The following SCFD2 variants were observed in gnomAD, a reference collection of about 807,000 sequenced individuals.
The protein encoded by SCFD2 is sec1 family domain containing 2, also known as sec1 family domain-containing protein 2.
A neutral mutation model predicts 58.9 loss-of-function variants in SCFD2; 54 were observed. The ratio of observed to expected loss-of-function variants is 0.92; its 90% CI spans 0.74 to 1.15. The LOEUF (loss-of-function observed/expected upper bound fraction) is 1.15, where lower values mean the gene tolerates loss of function less well. SCFD2 is among the 50% of genes most tolerant of loss of function. SCFD2 has a pLI of 0.00. For missense variants in SCFD2, 805 were observed against 836.6 expected (o/e 0.96, Z 0.47); for synonymous variants, 321 against 335.9 (o/e 0.96, Z 0.49).
intron 4 of SCFD2, among the ~76,000 whole-genome samples, chr4:53,206,206 A>G (rs2148973482): frequency 6.6e-6 from 1 of 152,300 alleles, no homozygotes; most frequent in African/African-American, 2.4e-5. Context: ...TCTGTAGGCA[A>G]CCAGTTACTG....
At chr4:53,303,317 A>G (rs1415233930) in intron 3 of SCFD2, among the ~76,000 whole-genome samples, 2 of 152,256 alleles carry the variant, frequency 1.3e-5, no homozygotes, top group Non-Finnish European at 2.9e-5. Context: ...TTCTCAAAAG[A>G]AGACATTTAT....
chr4:53,070,108 C>G (rs1442766985), intron 5 of SCFD2, among the ~76,000 whole-genome samples: 1 of 151,904 alleles, frequency 6.6e-6, no homozygotes, highest in Non-Finnish European at 1.5e-5. Context: ...AAGAAACCAA[C>G]CACTTATAGC....
chr4:52,882,593 G>A (rs959536909), intron 8 of SCFD2, among the ~76,000 whole-genome samples: 5 of 152,146 alleles, frequency 3.3e-5, no homozygotes, highest in Non-Finnish European at 7.4e-5. Flanking sequence ...CAGAATAAAC[G>A]CAGGCAGAAG....
chr4:52,995,562 G>A (rs1721725983), intron 5 of SCFD2, among the ~76,000 whole-genome samples: 1 of 152,162 alleles, frequency 6.6e-6, no homozygotes, highest in Admixed American at 6.5e-5. Flanking sequence ...CATCATGCCT[G>A]GTCTGGGTAA....
intron 5 of SCFD2, among the ~76,000 whole-genome samples, chr4:52,921,907 A>G (rs1719745619): frequency 6.6e-6 from 1 of 152,156 alleles, no homozygotes; most frequent in Admixed American, 6.5e-5. Flanking sequence ...CAACACTCAT[A>G]GAAATAATCC....
At chr4:52,886,881 T>A (rs1337472564) in intron 7 of SCFD2, among the ~76,000 whole-genome samples, 1 of 152,236 alleles carries the variant, frequency 6.6e-6, no homozygotes, top group African/African-American at 2.4e-5. Context: ...GACAACTTCT[T>A]TCTTCCTTGT....
In SCFD2 at chr4:53,276,930, C is replaced by T. The variant is rs187497093; in HGVS notation, c.1136-2929G>A. Among the ~76,000 whole-genome samples, 8 of 152,260 alleles carry T rather than the reference C, an allele frequency of 5.3e-5. No homozygotes were observed. The East Asian group carries it at 1.4e-3, about 26-fold the overall frequency. On this transcript the variant is annotated intron_variant, in intron 3 of 8. Coordinates refer to ENST00000401642, the MANE Select transcript of SCFD2 (RefSeq NM_152540.4). ...TTTTCCTAATGACTAATGATGTTAA[C>T]CACCTTTTCATGTGTGTCTTTTGCC...
intron 5 of SCFD2, among the ~76,000 whole-genome samples, chr4:53,070,702 A>G (rs1329190519): frequency 3.3e-5 from 5 of 152,116 alleles, no homozygotes; most frequent in African/African-American, 1.2e-4. Context: ...TTCACAGCAC[A>G]GGTAGAAGAT....
At chr4:53,093,873 G>A (rs1434110462) in intron 5 of SCFD2, among the ~76,000 whole-genome samples, 3 of 152,060 alleles carry the variant, frequency 2.0e-5, no homozygotes, top group African/African-American at 7.2e-5. Context: ...GGGATGGGTG[G>A]GGGCCAGGAT....
intron 5 of SCFD2, among the ~76,000 whole-genome samples, chr4:53,080,555 C>T (rs551608667): frequency 3.3e-5 from 5 of 152,176 alleles, no homozygotes; most frequent in African/African-American, 1.2e-4. Flanking sequence ...TAAAACGACC[C>T]AGGGTGACAG....
At chr4:53,048,599 T>C (rs766668206) in intron 5 of SCFD2, among the ~76,000 whole-genome samples, 8 of 152,060 alleles carry the variant, frequency 5.3e-5, no homozygotes, top group Non-Finnish European at 7.4e-5. Context: ...AAATTAGCCA[T>C]GGGTGGTGGT....
rs560269938 is a variant in SCFD2, at chr4:52,963,629, C to T, written c.1562-42759G>A. Among the ~76,000 whole-genome samples the T allele has an allele frequency of 2.0e-5, 3 of 152,286 alleles. No individual in the cohort carries two copies. The South Asian group carries it at 6.2e-4, about 32-fold the overall frequency. On this transcript the variant is annotated intron_variant, in intron 5 of 8. Transcript: ENST00000401642. ...CACTCAACTGTCTGCAAAAGTCTCT[C>T]CATCAAATGAACTCAAATTCCCCTT...
intron 8 of SCFD2, among the ~76,000 whole-genome samples, chr4:52,876,827 A>C (rs1718486484): frequency 6.6e-6 from 1 of 151,878 alleles, no homozygotes; most frequent in South Asian, 2.1e-4. Flanking sequence ...CTAAAGACAA[A>C]CACTGGGCTC....
intron 5 of SCFD2, among the ~76,000 whole-genome samples, chr4:53,014,106 G>C (rs551194739): frequency 6.6e-6 from 1 of 152,288 alleles, no homozygotes; most frequent in African/African-American, 2.4e-5. Context: ...GGGGATGCAG[G>C]GAGGTAAATG....
At chr4:53,184,326 G>T (rs1309306450) in intron 4 of SCFD2, among the ~76,000 whole-genome samples, 1 of 151,850 alleles carries the variant, frequency 6.6e-6, no homozygotes, top group Non-Finnish European at 1.5e-5. Flanking sequence ...ACAATTTCTG[G>T]GTCATCACCT....
chr4:52,891,009 T>A (rs1429918033), intron 7 of SCFD2, among the ~76,000 whole-genome samples: 14 of 152,140 alleles, frequency 9.2e-5, no homozygotes, highest in Non-Finnish European at 2.9e-5. Flanking sequence ...TCTCCAGCTA[T>A]GGGCAGGGCC....
intron 4 of SCFD2, among the ~76,000 whole-genome samples, chr4:53,185,137 G>C (rs1727700217): frequency 6.6e-6 from 1 of 152,038 alleles, no homozygotes; most frequent in South Asian, 2.1e-4. Flanking sequence ...AATCCAAAGA[G>C]AAATATAGAG....
rs192901421 is a variant in SCFD2 at position 53,319,501 on chromosome 4, T to C, written c.1008-5738A>G. On this transcript the variant is annotated intron_variant, in intron 2 of 8. Coordinates refer to ENST00000401642, the MANE Select transcript of SCFD2 (RefSeq NM_152540.4). ...TCTAACTCTATGTACAACATGTCCT[T>C]GGGAAAGAAAGAAGGGGAAATAGCC... Among the ~76,000 whole-genome samples the C allele has an allele frequency of 6.6e-4, 101 of 152,042 alleles. 1 individual carries two copies. The highest frequency in any genetic ancestry group is 1.2e-3 in the Non-Finnish European group (83 of 67,988).
intron 2 of SCFD2, among the ~76,000 whole-genome samples, chr4:53,334,326 C>T (rs898438903): frequency 2.0e-5 from 3 of 152,110 alleles, no homozygotes; most frequent in African/African-American, 7.2e-5. Context: ...GCATTATTCA[C>T]AATAGCAAAG....
Sources: gnomAD v4.1 joint callset for allele counts (sites outside exome capture counted in the v4.1 genomes callset) on GRCh38, gnomAD v4.1.1 for gene constraint, MANE v1.5 for transcripts, NCBI Gene and HGNC (gene_info 2026-07-23, HGNC 2026-07-21) for gene names.